RGS6: variants seen among roughly 807,000 people sequenced by gnomAD.
RGS6 encodes the protein regulator of G protein signaling 6.
A neutral mutation model predicts 78.5 loss-of-function variants in RGS6; 30 were observed. The observed-to-expected ratio is 0.38, with a 90% confidence interval of 0.29 to 0.52. RGS6 has a LOEUF of 0.52. Ranked by LOEUF, RGS6 falls within the 20% of genes least tolerant of loss-of-function variation. The pLI, the probability that RGS6 is intolerant of heterozygous loss-of-function variation, is 0.85. For missense variants in RGS6, 495 were observed against 609.7 expected (o/e 0.81, Z 1.98); for synonymous variants, 206 against 206.0 (o/e 1.00, Z 0.00).
At chr14:72,395,951 G>T in intron 3 of RGS6, among the ~76,000 whole-genome samples, 1 of 152,030 alleles carries the variant, frequency 6.6e-6, no homozygotes, top group Non-Finnish European at 1.5e-5. Flanking sequence ...ATTTGGCTTG[G>T]TTCCAAGTCT....
intron 2 of RGS6, among the ~76,000 whole-genome samples, chr14:72,302,527 G>C (rs2152414568): frequency 6.6e-6 from 1 of 152,172 alleles, no homozygotes; most frequent in East Asian, 1.9e-4. Flanking sequence ...CCCCCTTTTA[G>C]AATACTTATT....
chr14:71,997,066 T>C (rs4598834), intron 2 of RGS6, among the ~76,000 whole-genome samples: 130,648 of 152,132 alleles, frequency 0.86, 56,769 homozygotes, highest in East Asian at 0.99. Flanking sequence ...TCGATGGCTA[T>C]TGCAGCAATC....
intron 3 of RGS6, among the ~76,000 whole-genome samples, chr14:72,395,781 T>C (rs546533692): frequency 9.4e-5 from 14 of 149,280 alleles, no homozygotes; most frequent in Admixed American, 8.1e-4. Context: ...GAACATGTGG[T>C]GTTTGGTTTT....
chr14:72,367,929 G>C (rs78789516), intron 3 of RGS6, among the ~76,000 whole-genome samples: 1 of 152,250 alleles, frequency 6.6e-6, no homozygotes, highest in African/African-American at 2.4e-5. Context: ...ATTCTTCACA[G>C]GATATGTATA....
At chr14:72,044,389 C>T (rs542548906) in intron 2 of RGS6, among the ~76,000 whole-genome samples, 62 of 152,262 alleles carry the variant, frequency 4.1e-4, no homozygotes, top group Non-Finnish European at 7.1e-4. Context: ...CTGCCCTGCC[C>T]CAATATTGAC....
chr14:72,231,890 G>A (rs555274132), intron 2 of RGS6, among the ~76,000 whole-genome samples: 1 of 152,134 alleles, frequency 6.6e-6, no homozygotes, highest in Non-Finnish European at 1.5e-5. Flanking sequence ...GCCATGTTGG[G>A]TGTGGTGGGT....
intron 3 of RGS6, among the ~76,000 whole-genome samples, chr14:72,357,432 C>T (rs2080554683): frequency 6.6e-6 from 1 of 152,148 alleles, no homozygotes; most frequent in Admixed American, 6.5e-5. Flanking sequence ...AAGTTTAGAA[C>T]TTCCTAGAGA....
chr14:72,328,084 G>A (rs1318059698), intron 2 of RGS6, among the ~76,000 whole-genome samples: 1 of 152,116 alleles, frequency 6.6e-6, no homozygotes, highest in Non-Finnish European at 1.5e-5. Context: ...TCCCAGGGCA[G>A]GAGAAAAGCT....
At chr14:72,052,284 A>G (rs1243731131) in intron 2 of RGS6, among the ~76,000 whole-genome samples, 1 of 152,232 alleles carries the variant, frequency 6.6e-6, no homozygotes, top group African/African-American at 2.4e-5. Flanking sequence ...TTAACATAGA[A>G]CATATTAATG....
chr14:72,057,585 A>T (rs1179020752), intron 2 of RGS6, among the ~76,000 whole-genome samples: 1 of 152,034 alleles, frequency 6.6e-6, no homozygotes, highest in East Asian at 1.9e-4. Flanking sequence ...CTGCTGAGAT[A>T]CTTCCTAGGA....
At chr14:71,886,675 C>A in the RGS6 span, among the ~76,000 whole-genome samples, 1 of 152,132 alleles carries the variant, frequency 6.6e-6, no homozygotes, top group Admixed American at 6.5e-5. Flanking sequence ...CAAGGTATAT[C>A]TTTAATTTGG....
At chr14:72,619,709 G>A in the RGS6 span, among the ~76,000 whole-genome samples, 1 of 152,186 alleles carries the variant, frequency 6.6e-6, no homozygotes, top group East Asian at 1.9e-4. Context: ...TCAGCTGCTT[G>A]GACTGTGCCT....
At chr14:72,624,331 C>CTTT in the RGS6 span, among the ~76,000 whole-genome samples, 1 of 97,276 alleles carries the variant, frequency 1.0e-5, no homozygotes, top group Non-Finnish European at 2.3e-5. Context: ...CCACCTATGT[C>CTTT]TCTTTTTTTT....
chr14:72,026,873 A>G (rs2089968977), intron 2 of RGS6, among the ~76,000 whole-genome samples: 1 of 152,228 alleles, frequency 6.6e-6, no homozygotes, highest in Non-Finnish European at 1.5e-5. Flanking sequence ...TAGCACAGGT[A>G]AGAGGTTGGG....
chr14:72,103,280 T>A (rs546192625), intron 2 of RGS6, among the ~76,000 whole-genome samples: 1 of 152,150 alleles, frequency 6.6e-6, no homozygotes. Flanking sequence ...GATATCTGAG[T>A]GTCAAATCTG....
chr14:72,624,401 C>A, the RGS6 span, among the ~76,000 whole-genome samples: 1 of 140,940 alleles, frequency 7.1e-6, no homozygotes, highest in East Asian at 2.0e-4. Flanking sequence ...TGCAGTGGTG[C>A]CATCTCGGCT....
At chr14:72,401,290 A>G (rs2092368149) in intron 3 of RGS6, among the ~76,000 whole-genome samples, 1 of 152,028 alleles carries the variant, frequency 6.6e-6, no homozygotes. Context: ...TTCTTAAGGA[A>G]TAATTTTGAC....
intron 2 of RGS6, among the ~76,000 whole-genome samples, chr14:71,966,767 A>G (rs2093545711): frequency 6.6e-6 from 1 of 152,186 alleles, no homozygotes; most frequent in South Asian, 2.1e-4. Flanking sequence ...TTTCATGTTT[A>G]GGTCTTGTAG....
At chr14:72,090,126 A>T (rs200654161) in intron 2 of RGS6, among the ~76,000 whole-genome samples, 35 of 150,802 alleles carry the variant, frequency 2.3e-4, no homozygotes, top group Admixed American at 6.6e-4. Context: ...AAAAAAAAAA[A>T]AAATAAAGCC....
Sources: gnomAD v4.1 joint callset for allele counts (sites outside exome capture counted in the v4.1 genomes callset) on GRCh38, gnomAD v4.1.1 for gene constraint, MANE v1.5 for transcripts, NCBI Gene and HGNC (gene_info 2026-07-23, HGNC 2026-07-21) for gene names.